CLNK: variants seen among roughly 807,000 people sequenced by gnomAD.
CLNK encodes the protein cytokine-dependent hematopoietic cell linker.
CLNK carries 74 observed loss-of-function variants against 68.6 expected under a neutral mutation model. The ratio of observed to expected loss-of-function variants is 1.08; its 90% CI spans 0.89 to 1.31. The LOEUF (loss-of-function observed/expected upper bound fraction) is 1.31, where lower values mean the gene tolerates loss of function less well. Among genes scored for constraint, CLNK ranks in the 50% most tolerant of loss-of-function variants. The probability of loss-of-function intolerance (pLI) is 0.00; values close to 1 mark genes in which losing one functional copy is unlikely to be tolerated. For missense variants in CLNK, 553 were observed against 515.3 expected, an observed-to-expected ratio of 1.07 and a Z score of -0.71; for synonymous variants, 198 against 172.2, an observed-to-expected ratio of 1.15 and a Z score of -1.17.
At chr4:10,678,890 C>A (rs1470507600) in intron 1 of CLNK, among the ~76,000 whole-genome samples, 4 of 152,180 alleles carry the variant, frequency 2.6e-5, no homozygotes, top group Non-Finnish European at 1.5e-5. Context: ...AAGAACATTC[C>A]ATGCTCATGG....
chr4:10,565,952 G>C, intron 6 of CLNK, 57 bp downstream of exon 6: 8 of 1,569,386 alleles, frequency 5.1e-6, no homozygotes, highest in Non-Finnish European at 6.9e-6. Context: ...TAAATAGTGT[G>C]CAATATGGTG....
At chr4:10,645,207 G>A (rs748982390) in intron 2 of CLNK, among the ~76,000 whole-genome samples, 17 of 152,170 alleles carry the variant, frequency 1.1e-4, no homozygotes, top group Non-Finnish European at 2.5e-4. Flanking sequence ...TCCATCTTAT[G>A]TCTCAGCCTT....
At chr4:10,601,129 C>T (rs762769336) in intron 2 of CLNK, among the ~76,000 whole-genome samples, 15 of 152,170 alleles carry the variant, frequency 9.9e-5, no homozygotes, top group South Asian at 2.1e-4. Context: ...GATGAGGAAA[C>T]GGGACCCTAG....
At chr4:10,632,925 T>C (rs1338146978) in intron 2 of CLNK, among the ~76,000 whole-genome samples, 1 of 152,336 alleles carries the variant, frequency 6.6e-6, no homozygotes, top group East Asian at 1.9e-4. Context: ...TTTATCTTAT[T>C]TTGAGACAGA....
Position 10,543,650 on chromosome 4 carries a change from A to G in CLNK, c.446-1370T>C, listed in dbSNP as rs1719121630. Among the ~76,000 whole-genome samples, 7 of 152,348 alleles carry G rather than the reference A, an allele frequency of 4.6e-5. No homozygotes were observed. In the South Asian group the frequency reaches 1.4e-3, roughly 32 times the overall value. On this transcript the variant is annotated intron_variant, in intron 8 of 18. Transcript: ENST00000226951. ...CTTGGTGAAAGGTCCAACTGGCACA[A>G]TACAACACAACACAATGCAACACAG...
intron 17 of CLNK, among the ~76,000 whole-genome samples, chr4:10,501,901 T>G (rs1199067005): frequency 1.3e-5 from 2 of 152,232 alleles, no homozygotes; most frequent in Non-Finnish European, 2.9e-5. Context: ...CACTTCAGCC[T>G]GGGCAACAGA....
At chr4:10,644,763 T>G (rs1453981291) in intron 2 of CLNK, among the ~76,000 whole-genome samples, 1 of 152,258 alleles carries the variant, frequency 6.6e-6, no homozygotes, top group African/African-American at 2.4e-5. Context: ...CTTTTCTCAC[T>G]GACTTCATTA....
intron 3 of CLNK, among the ~76,000 whole-genome samples, chr4:10,595,626 C>A (rs1399640733): frequency 6.6e-6 from 1 of 152,066 alleles, no homozygotes; most frequent in African/African-American, 2.4e-5. Flanking sequence ...CTGTGGGGGC[C>A]TGCAGGAGAC....
At chr4:10,727,171 T>C in the CLNK span, among the ~76,000 whole-genome samples, 2 of 152,204 alleles carry the variant, frequency 1.3e-5, no homozygotes, top group African/African-American at 2.4e-5. Context: ...AAGTCAATTA[T>C]GTGGGGAACT....
At chr4:10,579,494 G>A (rs745697734) in intron 4 of CLNK, among the ~76,000 whole-genome samples, 7 of 152,134 alleles carry the variant, frequency 4.6e-5, no homozygotes, top group Non-Finnish European at 1.0e-4. Flanking sequence ...ATATATGACC[G>A]TGGTCTCATA....
chr4:10,562,332 A>C (rs754455785), intron 7 of CLNK, among the ~76,000 whole-genome samples: 7 of 151,898 alleles, frequency 4.6e-5, no homozygotes, highest in Non-Finnish European at 1.0e-4. Flanking sequence ...ACAGACCCAA[A>C]GGCACAGAGC....
At chr4:10,674,587 T>G (rs1402976442) in intron 1 of CLNK, among the ~76,000 whole-genome samples, 4 of 152,150 alleles carry the variant, frequency 2.6e-5, no homozygotes, top group Non-Finnish European at 5.9e-5. Flanking sequence ...TAGTGTGTGT[T>G]GTCTCCCTAC....
intron 2 of CLNK, among the ~76,000 whole-genome samples, chr4:10,618,036 G>T (rs1722300517): frequency 6.6e-6 from 1 of 152,092 alleles, no homozygotes; most frequent in African/African-American, 2.4e-5. Flanking sequence ...ATCTACCAAA[G>T]AGAAATAAAA....
chr4:10,490,818 G>T (rs1348094718), intron 18 of CLNK, among the ~76,000 whole-genome samples: 1 of 152,162 alleles, frequency 6.6e-6, no homozygotes, highest in Non-Finnish European at 1.5e-5. Flanking sequence ...AGGCTGGAAT[G>T]CAGTGCCACA....
At chr4:10,611,715 T>C (rs1427568784) in intron 2 of CLNK, among the ~76,000 whole-genome samples, 2 of 152,110 alleles carry the variant, frequency 1.3e-5, no homozygotes, top group Non-Finnish European at 2.9e-5. Context: ...TGAGGCCCAA[T>C]GATGTGCTGC....
chr4:10,492,632 G>A (rs765172092), intron 18 of CLNK, among the ~76,000 whole-genome samples: 11 of 152,160 alleles, frequency 7.2e-5, no homozygotes, highest in African/African-American at 2.7e-4. Context: ...TGTTAGAGGC[G>A]CACTGAATAG....
intron 1 of CLNK, among the ~76,000 whole-genome samples, chr4:10,673,203 G>A (rs907914626): frequency 6.6e-6 from 1 of 152,108 alleles, no homozygotes; most frequent in Non-Finnish European, 1.5e-5. Context: ...GCTTTACAAT[G>A]TGCCAGTCAC....
chr4:10,544,855 A>G (rs1719166352), intron 8 of CLNK, among the ~76,000 whole-genome samples: 1 of 152,184 alleles, frequency 6.6e-6, no homozygotes, highest in Non-Finnish European at 1.5e-5. Flanking sequence ...AGGACAGCAC[A>G]TGGCGAGGAG....
intron 16 of CLNK, among the ~76,000 whole-genome samples, chr4:10,508,402 A>G (rs189303468): frequency 2.0e-5 from 3 of 152,288 alleles, no homozygotes; most frequent in Admixed American, 1.3e-4. Context: ...ACACTGCCCT[A>G]GTCACATGCA....
Sources: gnomAD v4.1 joint callset for allele counts (sites outside exome capture counted in the v4.1 genomes callset) on GRCh38, gnomAD v4.1.1 for gene constraint, MANE v1.5 for transcripts, NCBI Gene and HGNC (gene_info 2026-07-23, HGNC 2026-07-21) for gene names.